The following ADAMTS12 variants were observed in gnomAD, a reference collection of about 807,000 sequenced individuals.
The protein encoded by ADAMTS12 is ADAM metallopeptidase with thrombospondin type 1 motif 12, also known as A disintegrin and metalloproteinase with thrombospondin motifs 12.
A neutral mutation model predicts 167.8 loss-of-function variants in ADAMTS12; 118 were observed. That is an observed-to-expected ratio of 0.70 (90% CI 0.61 to 0.82). ADAMTS12 has a LOEUF of 0.82. Among genes scored for constraint, ADAMTS12 ranks in the 40% least tolerant of loss-of-function variants. The pLI, the probability that ADAMTS12 is intolerant of heterozygous loss-of-function variation, is 0.00. For missense variants in ADAMTS12, 1,916 were observed against 1,998.8 expected, an observed-to-expected ratio of 0.96 and a Z score of 0.79; for synonymous variants, 704 against 716.9, an observed-to-expected ratio of 0.98 and a Z score of 0.29.
intron 2 of ADAMTS12, among the ~76,000 whole-genome samples, chr5:33,848,588 A>C (rs1276000654): frequency 6.6e-6 from 1 of 152,204 alleles, no homozygotes; most frequent in African/African-American, 2.4e-5. Context: ...TTAGTTGCAA[A>C]ACTGGACTTC....
Position 33,590,927 on chromosome 5 carries a change from T to C in ADAMTS12, c.2655-2118A>G, listed in dbSNP as rs149809573. Among the ~76,000 whole-genome samples the C allele has an allele frequency of 4.1e-3, 622 of 150,178 alleles. 8 individuals carry two copies. Among genetic ancestry groups the C allele is most frequent in the African/African-American group, 0.014 (583 of 40,860 alleles). ...TTTTTTTTTTTTTTTCCTGTAAAGGTCTTCCAGGTCCAGGGCTCAGGAGCC... is the reference window on the plus strand; with the variant it reads ...TTTTTTTTTTTTTTTCCTGTAAAGGCCTTCCAGGTCCAGGGCTCAGGAGCC... On this transcript the variant is annotated intron_variant, in intron 17 of 23. Coordinates refer to ENST00000504830, the MANE Select transcript of ADAMTS12 (RefSeq NM_030955.4).
intron 17 of ADAMTS12, among the ~76,000 whole-genome samples, chr5:33,589,362 A>C (rs1188936261): frequency 2.0e-5 from 3 of 152,214 alleles, no homozygotes; most frequent in Non-Finnish European, 4.4e-5. Flanking sequence ...GTAGCTACTT[A>C]AACATAAATT....
intron 16 of ADAMTS12, among the ~76,000 whole-genome samples, chr5:33,602,525 C>T (rs1473930155): frequency 6.6e-6 from 1 of 152,148 alleles, no homozygotes; most frequent in South Asian, 2.1e-4. Context: ...GTTGATCCTA[C>T]CTGACCATTA....
chr5:33,759,512 G>C (rs1745276047), intron 2 of ADAMTS12, among the ~76,000 whole-genome samples: 1 of 152,076 alleles, frequency 6.6e-6, no homozygotes, highest in African/African-American at 2.4e-5. Flanking sequence ...ACTAAATAAG[G>C]CAATTCATGA....
chr5:33,535,912 C>T (rs1744379078), intron 22 of ADAMTS12, among the ~76,000 whole-genome samples: 1 of 152,152 alleles, frequency 6.6e-6, no homozygotes, highest in East Asian at 1.9e-4. Flanking sequence ...ACAGCGGACC[C>T]AGCTCTGTGC....
chr5:33,686,515 A>G (rs1742329702), intron 3 of ADAMTS12, among the ~76,000 whole-genome samples: 1 of 152,030 alleles, frequency 6.6e-6, no homozygotes, highest in Non-Finnish European at 1.5e-5. Context: ...AGTGTTGAAA[A>G]AGAGAGTTGC....
At chr5:33,618,209 G>C (rs919170698) in intron 14 of ADAMTS12, among the ~76,000 whole-genome samples, 9 of 152,168 alleles carry the variant, frequency 5.9e-5, no homozygotes, top group Non-Finnish European at 1.0e-4. Flanking sequence ...TATTCATTAA[G>C]CAGAAGTGGA....
At chr5:33,815,000 T>C (rs79980816) in intron 2 of ADAMTS12, among the ~76,000 whole-genome samples, 3,976 of 152,280 alleles carry the variant, frequency 0.026, 182 homozygotes, top group African/African-American at 0.091. Context: ...TTGTTACAGA[T>C]GTGGAGCAGA....
intron 3 of ADAMTS12, among the ~76,000 whole-genome samples, 159 bp from the exon 4 acceptor site, chr5:33,684,214 T>C (rs1280070224): frequency 2.0e-5 from 3 of 152,064 alleles, no homozygotes; most frequent in African/African-American, 4.8e-5. Context: ...TTTAAATGAA[T>C]ATGACCAAGA....
chr5:33,701,181 CA>C (rs2112297783), intron 3 of ADAMTS12, among the ~76,000 whole-genome samples: 1 of 152,290 alleles, frequency 6.6e-6, no homozygotes, highest in South Asian at 2.1e-4. Flanking sequence ...TAATCAAATA[CA>C]ATTAGCCTAT....
intron 16 of ADAMTS12, among the ~76,000 whole-genome samples, chr5:33,601,831 G>A (rs1324756907): frequency 6.6e-6 from 1 of 152,140 alleles, no homozygotes; most frequent in Non-Finnish European, 1.5e-5. Flanking sequence ...TAAGTTGACT[G>A]TCATGATTAC....
chr5:33,835,231 AG>A (rs896884237), intron 2 of ADAMTS12, among the ~76,000 whole-genome samples: 29 of 152,300 alleles, frequency 1.9e-4, no homozygotes, highest in African/African-American at 6.5e-4. Context: ...ACCAAAAGGC[AG>A]GGGGGCCATG....
At chr5:33,569,244 C>T (rs902260873) in intron 19 of ADAMTS12, among the ~76,000 whole-genome samples, 2 of 152,352 alleles carry the variant, frequency 1.3e-5, no homozygotes, top group East Asian at 1.9e-4. Context: ...AGAGAGCCGT[C>T]GTTCTCCCAG....
intron 3 of ADAMTS12, among the ~76,000 whole-genome samples, chr5:33,696,923 TC>T (rs1365676173): frequency 6.6e-6 from 1 of 152,226 alleles, no homozygotes; most frequent in Non-Finnish European, 1.5e-5. Flanking sequence ...TCTCCACAGT[TC>T]AGCTTGCTTT....
chr5:33,554,966 CAA>C (rs927889185), intron 20 of ADAMTS12, among the ~76,000 whole-genome samples: 1 of 150,282 alleles, frequency 6.7e-6, no homozygotes, highest in African/African-American at 2.4e-5. Context: ...CAGATTATTA[CAA>C]AAAAAAAGTA....
intron 2 of ADAMTS12, among the ~76,000 whole-genome samples, chr5:33,778,279 A>G (rs1287208055): frequency 2.6e-5 from 4 of 152,206 alleles, no homozygotes; most frequent in African/African-American, 9.6e-5. Context: ...TATACTACAA[A>G]GCTATAATAA....
chr5:33,701,659 A>AG (rs1468906193), intron 3 of ADAMTS12, among the ~76,000 whole-genome samples: 1 of 152,214 alleles, frequency 6.6e-6, no homozygotes, highest in East Asian at 1.9e-4. Flanking sequence ...GCCATGGCAA[A>AG]GGTATCTTGA....
intron 3 of ADAMTS12, among the ~76,000 whole-genome samples, chr5:33,722,808 C>T (rs1488788157): frequency 6.6e-6 from 1 of 152,098 alleles, no homozygotes; most frequent in African/African-American, 2.4e-5. Context: ...ATGTCATGAC[C>T]CAAAGTCAGG....
chr5:33,787,917 T>C (rs189272827), intron 2 of ADAMTS12, among the ~76,000 whole-genome samples: 3 of 152,376 alleles, frequency 2.0e-5, no homozygotes, highest in Admixed American at 1.3e-4. Flanking sequence ...TGAGGGAATG[T>C]TCTGGGTGCC....
Sources: allele counts gnomAD v4.1 joint callset (sites outside exome capture counted in the v4.1 genomes callset), GRCh38; gene constraint gnomAD v4.1.1; transcripts MANE v1.5; gene names NCBI Gene and HGNC (gene_info 2026-07-23, HGNC 2026-07-21).